Variants in CLEC2B observed in about 807,000 individuals in gnomAD.
CLEC2B encodes C-type lectin domain family 2 member B.
In CLEC2B, 14 loss-of-function variants were observed where a neutral mutation model predicts 16.2. The ratio of observed to expected loss-of-function variants is 0.86; its 90% CI spans 0.57 to 1.35. The LOEUF is 1.35. Ranked by LOEUF, CLEC2B falls within the 40% of genes most tolerant of loss-of-function variation. The pLI, the probability that CLEC2B is intolerant of heterozygous loss-of-function variation, is 0.00. For synonymous variants in CLEC2B, 42 were observed against 55.8 expected (o/e 0.75, Z 1.10); for missense variants, 166 against 182.3 (o/e 0.91, Z 0.52).
chr12:9,859,143 G>A (rs1342081557), intron 2 of CLEC2B, among the ~76,000 whole-genome samples: 1 of 151,806 alleles, frequency 6.6e-6, no homozygotes, highest in Non-Finnish European at 1.5e-5. Context: ...CTCCCTTAAA[G>A]CTTACAGGAA....
chr12:9,868,573 ACCC>A (rs1320836211), intron 1 of CLEC2B, among the ~76,000 whole-genome samples: 1 of 152,078 alleles, frequency 6.6e-6, no homozygotes, highest in Non-Finnish European at 1.5e-5. Context: ...ACATAAATAA[ACCC>A]TGTTGAAATC....
intron 3 of CLEC2B, chr12:9,857,272 A>C: frequency 1.8e-6 from 1 of 549,650 alleles, no homozygotes; most frequent in South Asian, 2.2e-5. Flanking sequence ...TATTAAGTCT[A>C]CTACTTGATG....
intron 2 of CLEC2B, among the ~76,000 whole-genome samples, 193 bp downstream of exon 2, chr12:9,862,306 C>A (rs1867938893): frequency 6.6e-6 from 1 of 151,700 alleles, no homozygotes; most frequent in South Asian, 2.1e-4. Context: ...ATAATTTTAC[C>A]ACAATAATTT....
chr12:9,857,426 T>C (rs773135031), intron 3 of CLEC2B, 48 bp downstream of exon 3: 1 of 1,373,588 alleles, frequency 7.3e-7, no homozygotes, highest in Non-Finnish European at 1.0e-6. Flanking sequence ...ATATTTCTAA[T>C]GCTCCGACTC....
chr12:9,853,622 G>A (rs1380550985), intron 4 of CLEC2B, among the ~76,000 whole-genome samples: 1 of 152,210 alleles, frequency 6.6e-6, no homozygotes, highest in East Asian at 1.9e-4. Context: ...TTGGTTACAT[G>A]TAATCAGTGG....
chr12:9,853,758 A>G (rs1867870973), intron 4 of CLEC2B, among the ~76,000 whole-genome samples: 1 of 152,130 alleles, frequency 6.6e-6, no homozygotes, highest in South Asian at 2.1e-4. Context: ...AGTAGGGTGG[A>G]TAGTTTATCC....
chr12:9,854,723 G>A (rs1004795013), intron 3 of CLEC2B: 8 of 495,296 alleles, frequency 1.6e-5, no homozygotes, highest in East Asian at 3.3e-5. Flanking sequence ...ATTGATAAAT[G>A]TTCAATTTGA....
At chr12:9,866,898 A>T (rs1867974084) in intron 1 of CLEC2B, 1 of 152,208 alleles carries the variant, frequency 6.6e-6, no homozygotes, top group African/African-American at 2.4e-5. Context: ...ATGAGAAATG[A>T]CAATTTGCAG....
intron 1 of CLEC2B, among the ~76,000 whole-genome samples, chr12:9,868,434 A>G (rs1160872754): frequency 1.3e-5 from 2 of 152,122 alleles, no homozygotes; most frequent in Non-Finnish European, 2.9e-5. Flanking sequence ...TGACCGTAGC[A>G]TACGCTGGTA....
intron 1 of CLEC2B, among the ~76,000 whole-genome samples, chr12:9,864,464 A>C (rs972981551): frequency 1.3e-5 from 2 of 152,244 alleles, no homozygotes; most frequent in Non-Finnish European, 2.9e-5. Flanking sequence ...GAAGACTGGA[A>C]GATAAATCTA....
At chr12:9,866,106 A>ACAAAC (rs900084238) in intron 1 of CLEC2B, among the ~76,000 whole-genome samples, 1 of 152,150 alleles carries the variant, frequency 6.6e-6, no homozygotes, top group Non-Finnish European at 1.5e-5. Context: ...AAGAGCAAGA[A>ACAAAC]CAAACCAAAC....
chr12:9,867,279 T>G (rs1867977661), intron 1 of CLEC2B: 1 of 152,174 alleles, frequency 6.6e-6, no homozygotes, highest in African/African-American at 2.4e-5. Flanking sequence ...AAGTAAACTG[T>G]CCTGTCCATT....
chr12:9,853,794 G>T (rs986952534), intron 4 of CLEC2B, among the ~76,000 whole-genome samples: 1 of 152,056 alleles, frequency 6.6e-6, no homozygotes, highest in Non-Finnish European at 1.5e-5. Context: ...GCCCTACAAT[G>T]CACAAAGAAA....
At chr12:9,868,074 T>G (rs1192564823) in intron 1 of CLEC2B, among the ~76,000 whole-genome samples, 1 of 150,634 alleles carries the variant, frequency 6.6e-6, no homozygotes, top group Admixed American at 6.6e-5. Flanking sequence ...TAATTTCAGA[T>G]ATATATGTAT....
rs774344473 is a variant in CLEC2B, at chr12:9,854,432, A to G, written c.290T>C (p.Met97Thr). 8 of 1,613,788 alleles carry G rather than the reference A, an allele frequency of 5.0e-6. No individual in the cohort carries two copies. In the South Asian group the frequency reaches 7.7e-5, roughly 16 times the overall value. The change falls in exon 4 of 5, where the codon ATG (methionine) becomes ACG (threonine). Residue 97 changes from methionine (M) to threonine (T), a missense_variant. Coordinates refer to ENST00000228438, the MANE Select transcript of CLEC2B (RefSeq NM_005127.3). ...CSSDHWIGLKMAKNRTGQWVD... is the reference protein window; with the variant it reads ...CSSDHWIGLKTAKNRTGQWVD... Reference sequence around the variant, plus strand: ...CCATTGTCCTGTTCGATTTTTTGCCATCTTCAGTCCAATCCAGTGATCAGA... The same window carrying G: ...CCATTGTCCTGTTCGATTTTTTGCCGTCTTCAGTCCAATCCAGTGATCAGA...
At chr12:9,865,651 C>T (rs1323380285) in intron 1 of CLEC2B, among the ~76,000 whole-genome samples, 1 of 152,184 alleles carries the variant, frequency 6.6e-6, no homozygotes, top group Non-Finnish European at 1.5e-5. Context: ...ATACTGCACA[C>T]TTTACCAAAT....
At chr12:9,861,800 A>G (rs943793367) in intron 2 of CLEC2B, among the ~76,000 whole-genome samples, 2 of 152,158 alleles carry the variant, frequency 1.3e-5, no homozygotes, top group African/African-American at 4.8e-5. Context: ...AATCAAAATA[A>G]TTAAAAATGA....
intron 1 of CLEC2B, among the ~76,000 whole-genome samples, chr12:9,864,445 C>G (rs1482250119): frequency 6.6e-6 from 1 of 151,994 alleles, no homozygotes; most frequent in Non-Finnish European, 1.5e-5. Context: ...TTCTCATATC[C>G]CTAGTAATGA....
At chr12:9,868,415 T>C (rs1386617086) in intron 1 of CLEC2B, among the ~76,000 whole-genome samples, 1 of 152,038 alleles carries the variant, frequency 6.6e-6, no homozygotes, top group Non-Finnish European at 1.5e-5. Context: ...ACCACAGCAA[T>C]AATTTTTTTG....
Sources: allele counts gnomAD v4.1 joint callset (sites outside exome capture counted in the v4.1 genomes callset), GRCh38; gene constraint gnomAD v4.1.1; transcripts MANE v1.5; gene names NCBI Gene and HGNC (gene_info 2026-07-23, HGNC 2026-07-21).